The following MON1A variants were observed in gnomAD, a reference collection of about 807,000 sequenced individuals.
MON1A encodes the protein vacuolar fusion protein MON1 homolog A.
In MON1A, 29 loss-of-function variants were observed where a neutral mutation model predicts 44.6. That is an observed-to-expected ratio of 0.65 (90% CI 0.48 to 0.89). MON1A has a LOEUF of 0.89. Ranked by LOEUF, MON1A falls within the 40% of genes least tolerant of loss-of-function variation. MON1A has a pLI of 0.00. For synonymous variants in MON1A, 275 were observed against 316.4 expected, an observed-to-expected ratio of 0.87 and a Z score of 1.39; for missense variants, 615 against 759.6, an observed-to-expected ratio of 0.81 and a Z score of 2.24.
chr3:49,923,176 T>C (rs951434865), intron 1 of MON1A, among the ~76,000 whole-genome samples: 1 of 151,190 alleles, frequency 6.6e-6, no homozygotes, highest in Non-Finnish European at 1.5e-5. Context: ...CCCATCTCTA[T>C]GAAAAATACA....
At chr3:49,918,495 T>G (rs1029495370) in intron 1 of MON1A, among the ~76,000 whole-genome samples, 1 of 150,530 alleles carries the variant, frequency 6.6e-6, no homozygotes, top group African/African-American at 2.4e-5. Context: ...CACCAAAACC[T>G]CCACCTCCCA....
chr3:49,910,952 C>A lies in MON1A; in HGVS notation c.614-68G>T, dbSNP rs1180770382. 5.6e-6 allele frequency: 8 copies of A among 1,428,272 alleles called. No individual in the cohort carries two copies. Among genetic ancestry groups the A allele is most frequent in the South Asian group, 1.3e-5 (1 of 75,994 alleles). 88.5% of individuals were successfully genotyped at this position (1,428,272 alleles called of 1,614,324 possible). On this transcript the variant is annotated intron_variant, in intron 3 of 5. Coordinates refer to ENST00000296473, the MANE Select transcript of MON1A (RefSeq NM_032355.4). The surrounding 1 kb of genome is among the most constrained non-coding windows in gnomAD (Gnocchi z 8.0). ...GCTCCCTCCGAAAACCGCCTTCCAG[C>A]GCAGCTCTTCGCTTTCCCCATCCTT...
chr3:49,921,788 T>C (rs2082998882), intron 1 of MON1A, among the ~76,000 whole-genome samples: 1 of 151,334 alleles, frequency 6.6e-6, no homozygotes, highest in Admixed American at 6.6e-5. Context: ...GCCTCCCGAG[T>C]AGCAGGGACT....
chr3:49,910,781 G>T lies in MON1A; in HGVS notation c.717C>A (p.Ile239=), dbSNP rs927084702. The change falls in exon 4 of 6, where the codon ATC becomes ATA. Residue 239 remains isoleucine, a synonymous_variant. Coordinates refer to ENST00000296473, the MANE Select transcript of MON1A (RefSeq NM_032355.4). This position sits in a 1 kb window ranked among gnomAD's most constrained non-coding sequence, Gnocchi z 8.0. The stretch of plus-strand genomic sequence containing the variant: ...TAAGAAGGCTTAGGATCTGGTAGTA[G>T]ATGTAGAGCAGCTCCTGCGCCAGCT... The part of the protein sequence containing the change: ...AQELAQELLY[I]YYQILSLLTG... The T allele has an allele frequency of 6.2e-7, 1 of 1,614,126 alleles. No homozygotes were observed.
Position 49,910,616 on chromosome 3 carries a change from C to T in MON1A, c.882G>A (p.Arg294=), listed in dbSNP as rs2082866066. The T allele has an allele frequency of 6.2e-7, 1 of 1,601,370 alleles. No individual in the cohort carries two copies. Among genetic ancestry groups the T allele is most frequent in the Non-Finnish European group, 8.5e-7 (1 of 1,172,774 alleles). Residue 294 remains arginine (R), a synonymous_variant, in exon 4 of 6, where the codon CGG becomes CGA. Transcript: ENST00000296473. The surrounding 1 kb of genome is among the most constrained non-coding windows in gnomAD (Gnocchi z 8.0). ...RDPSFLMGAA[R]CLPLAAAVRD... ...GCACGGCCGCCGCCAGGGGCAGGCA[C>T]CGTGCCGCCCCCATCAGGAAGCTGG... is the stretch of plus-strand genomic sequence containing the variant.
At chr3:49,914,692 C>T (rs2082928157) in intron 1 of MON1A, among the ~76,000 whole-genome samples, 3 of 151,990 alleles carry the variant, frequency 2.0e-5, no homozygotes, top group Non-Finnish European at 4.4e-5. Context: ...GGATTACAGG[C>T]ACCTGCCAGC....
At position 49,909,008 on chromosome 3, in the gene MON1A, T is replaced by C. The variant is rs1351176867; in HGVS notation, c.*6A>G. 2 of 1,609,946 alleles carry C rather than the reference T, an allele frequency of 1.2e-6. No homozygotes were observed. The highest frequency in any genetic ancestry group is 1.3e-5 in the African/African-American group (1 of 74,962). ...TCCAGGAAGGCTGAGCCCGCACACA[T>C]TCCCATCAATAGGTGAGGGGCGTGA... On this transcript the variant is annotated 3_prime_UTR_variant, in exon 6 of 6. Transcript: ENST00000296473. The surrounding 1 kb of genome is among the most constrained non-coding windows in gnomAD (Gnocchi z 4.0).
At chr3:49,922,469 G>C (rs562948002) in intron 1 of MON1A, among the ~76,000 whole-genome samples, 3 of 140,622 alleles carry the variant, frequency 2.1e-5, no homozygotes, top group African/African-American at 7.7e-5. Flanking sequence ...GTGACAGAGC[G>C]AGACTCTGTA....
At chr3:49,925,621 C>A (rs2083045632) in intron 1 of MON1A, among the ~76,000 whole-genome samples, 1 of 152,050 alleles carries the variant, frequency 6.6e-6, no homozygotes, top group South Asian at 2.1e-4. Context: ...TGCCTGTAGT[C>A]CCACCTACTT....
chr3:49,917,960 A>G (rs2082962079), intron 1 of MON1A, among the ~76,000 whole-genome samples: 1 of 152,076 alleles, frequency 6.6e-6, no homozygotes, highest in Non-Finnish European at 1.5e-5. Flanking sequence ...AGGCAGGTCA[A>G]TCACTTGAAC....
At chr3:49,922,103 C>T (rs1463302166) in intron 1 of MON1A, among the ~76,000 whole-genome samples, 2 of 147,360 alleles carry the variant, frequency 1.4e-5, no homozygotes, top group Non-Finnish European at 3.0e-5. Context: ...CGCCATTGCA[C>T]TCCAGCCTGG....
intron 1 of MON1A, among the ~76,000 whole-genome samples, chr3:49,927,672 T>C (rs2083061916): frequency 6.6e-6 from 1 of 152,144 alleles, no homozygotes; most frequent in African/African-American, 2.4e-5. Context: ...TAACTGGTTG[T>C]TCACTGGCTC....
At chr3:49,916,618 G>C (rs184077452) in intron 1 of MON1A, 1 of 152,240 alleles carries the variant, frequency 6.6e-6, no homozygotes, top group African/African-American at 2.4e-5. Context: ...AGATAATCTG[G>C]GGATTTTCTA....
chr3:49,919,132 G>A (rs1280876928), intron 1 of MON1A, among the ~76,000 whole-genome samples: 3 of 152,142 alleles, frequency 2.0e-5, no homozygotes, highest in Non-Finnish European at 4.4e-5. Flanking sequence ...GCAGTGAGTG[G>A]TGATCACACC....
Position 49,909,350 on chromosome 3 carries a change from A to G in MON1A, c.1430T>C (p.Leu477Pro). Residue 477 changes from leucine to proline, a missense_variant, in exon 5 of 6, where the codon CTG (leucine) becomes CCG (proline). Leu to Pro is a moderately conservative substitution (Grantham distance 98). Coordinates refer to ENST00000296473, the MANE Select transcript of MON1A (RefSeq NM_032355.4). This position sits in a 1 kb window ranked among gnomAD's most constrained non-coding sequence, Gnocchi z 4.0. ...ACTGTGCAAGTACTGGTAGAGGCCCAGCAGCCGCTCCTGCTCCTCTTCACT... is the reference window on the plus strand; with the variant it reads ...ACTGTGCAAGTACTGGTAGAGGCCCGGCAGCCGCTCCTGCTCCTCTTCACT... ...YTSEEEQERL[L>P]GLYQYLHSRA... is the part of the protein sequence containing the mutation. 1.9e-6 allele frequency: 3 copies of G among 1,614,056 alleles called. No homozygotes were observed. The highest frequency in any genetic ancestry group is 2.5e-6 in the Non-Finnish European group (3 of 1,179,986).
At chr3:49,922,946 T>C (rs1353743430) in intron 1 of MON1A, among the ~76,000 whole-genome samples, 2 of 151,564 alleles carry the variant, frequency 1.3e-5, no homozygotes, top group Non-Finnish European at 2.9e-5. Flanking sequence ...CCTGACCTGG[T>C]GATCCGCCTG....
At position 49,911,221 on chromosome 3, in the gene MON1A, G is replaced by GATGATAGATAC. The variant is rs1553630689; in HGVS notation, c.613+304_613+305insGTATCTATCAT. Among the ~76,000 whole-genome samples the GATGATAGATAC allele has an allele frequency of 1.3e-5, 2 of 151,110 alleles. No individual in the cohort carries two copies. Among genetic ancestry groups the GATGATAGATAC allele is most frequent in the Non-Finnish European group, 2.9e-5 (2 of 67,840 alleles). Reference sequence around the variant, plus strand: ...AGATAGATAGATAGATAGATAGATAGATAGATAGATAGATAGATAGATAGA... The same window carrying GATGATAGATAC: ...AGATAGATAGATAGATAGATAGATAGATGATAGATACATAGATAGATAGATAGATAGATAGA... On this transcript the variant is annotated intron_variant, in intron 3 of 5. Coordinates refer to ENST00000296473, the MANE Select transcript of MON1A (RefSeq NM_032355.4). This position sits in a 1 kb window ranked among gnomAD's most constrained non-coding sequence, Gnocchi z 5.7.
At chr3:49,912,306 TG>T in intron 2 of MON1A, 1 of 336,374 alleles carries the variant, frequency 3.0e-6, no homozygotes. Flanking sequence ...TTGGTCACAC[TG>T]GCCTACATCC....
chr3:49,927,520 T>C (rs2083061084), intron 1 of MON1A, among the ~76,000 whole-genome samples: 1 of 152,102 alleles, frequency 6.6e-6, no homozygotes, highest in Admixed American at 6.6e-5. Context: ...TACAGTGGCA[T>C]ATGGGCAAAT....
Sources: gnomAD v4.1 joint callset for allele counts (sites outside exome capture counted in the v4.1 genomes callset) on GRCh38, gnomAD v4.1.1 for gene constraint, Gnocchi (gnomAD v3.1) non-coding constraint, MANE v1.5 for transcripts, NCBI Gene and HGNC (gene_info 2026-07-23, HGNC 2026-07-21) for gene names.